The following HTR1F variants were observed in gnomAD, a reference collection of about 807,000 sequenced individuals.
The protein encoded by HTR1F is 5-hydroxytryptamine receptor 1F.
In HTR1F, 17 loss-of-function variants were observed where a neutral mutation model predicts 24.0. The observed-to-expected ratio is 0.71, with a 90% CI of 0.48 to 1.06. The LOEUF (loss-of-function observed/expected upper bound fraction) is 1.06. HTR1F is among the 50% of genes least tolerant of loss of function. The pLI, the probability that HTR1F is intolerant of heterozygous loss-of-function variation, is 0.00. For missense variants in HTR1F, 391 were observed against 427.8 expected (o/e 0.91, Z 0.76); for synonymous variants, 186 against 156.8 (o/e 1.19, Z -1.39).
intron 2 of HTR1F, among the ~76,000 whole-genome samples, chr3:87,856,195 A>T (rs1705194261): frequency 6.6e-6 from 1 of 151,984 alleles, no homozygotes; most frequent in Admixed American, 6.6e-5. Flanking sequence ...TATAAATTCA[A>T]GTTTATTATA....
Position 87,849,076 on chromosome 3 carries a change from A to G in HTR1F, c.-43+26952A>G, listed in dbSNP as rs965407957. 2.0e-5 allele frequency among the ~76,000 whole-genome samples: 3 copies of G among 151,620 alleles called. 1 individual carries two copies. ...CACTACCATCCCCATCAAGCTACCA[A>G]TGACTTTCTTCACAGAATTGGAAAA... On this transcript the variant is annotated intron_variant, in intron 2 of 2. Coordinates refer to ENST00000319595, the MANE Select transcript of HTR1F (RefSeq NM_001322209.2).
At chr3:87,932,546 A>G (rs1402977184) in intron 2 of HTR1F, among the ~76,000 whole-genome samples, 3 of 152,082 alleles carry the variant, frequency 2.0e-5, no homozygotes, top group South Asian at 2.1e-4. Flanking sequence ...TTGGTTCCAT[A>G]TGAACTTTAA....
At chr3:87,797,992 C>T (rs890507368) in intron 1 of HTR1F, among the ~76,000 whole-genome samples, 6 of 152,258 alleles carry the variant, frequency 3.9e-5, no homozygotes, top group Non-Finnish European at 7.4e-5. Context: ...CCCAGAAACT[C>T]CCAGATTTGG....
intron 2 of HTR1F, among the ~76,000 whole-genome samples, chr3:87,956,661 A>C (rs999032320): frequency 6.6e-6 from 1 of 151,288 alleles, no homozygotes; most frequent in African/African-American, 2.4e-5. Flanking sequence ...ATTTCTCTCA[A>C]CCATGTTCCA....
chr3:87,859,568 G>A (rs1575955302), intron 2 of HTR1F, among the ~76,000 whole-genome samples: 2 of 152,272 alleles, frequency 1.3e-5, no homozygotes, highest in South Asian at 2.1e-4. Flanking sequence ...GGAGCAGCCC[G>A]GCATACTGCT....
chr3:87,912,646 A>C (rs1233441183), intron 2 of HTR1F, among the ~76,000 whole-genome samples: 2 of 151,624 alleles, frequency 1.3e-5, no homozygotes, highest in Middle Eastern at 3.4e-3. Context: ...AAAAAAAAAA[A>C]AAAAAACAAA....
At chr3:87,803,135 G>T (rs6787171) in intron 1 of HTR1F, among the ~76,000 whole-genome samples, 19,183 of 152,046 alleles carry the variant, frequency 0.13, 3,772 homozygotes, top group African/African-American at 0.42. Flanking sequence ...ATTTTCTCTC[G>T]AATTCATCTG....
At chr3:87,894,004 T>C (rs1481691559) in intron 2 of HTR1F, among the ~76,000 whole-genome samples, 10 of 145,018 alleles carry the variant, frequency 6.9e-5, no homozygotes, top group Non-Finnish European at 1.5e-4. Flanking sequence ...ACAGCTTTTT[T>C]TATTTTTCTT....
At chr3:87,976,407 T>C (rs1576111291) in intron 2 of HTR1F, among the ~76,000 whole-genome samples, 1 of 152,288 alleles carries the variant, frequency 6.6e-6, no homozygotes, top group East Asian at 1.9e-4. Context: ...AAAATCTAGC[T>C]GGACACCATG....
At chr3:87,949,395 C>T (rs1704784777) in intron 2 of HTR1F, among the ~76,000 whole-genome samples, 1 of 152,186 alleles carries the variant, frequency 6.6e-6, no homozygotes, top group South Asian at 2.1e-4. Context: ...ATCACAGCTT[C>T]CTCTACTCAG....
intron 1 of HTR1F, chr3:87,793,472 T>C (rs994953727): frequency 1.4e-4 from 21 of 152,056 alleles, no homozygotes; most frequent in African/African-American, 5.1e-4. Context: ...GCTTGCCTAG[T>C]TGCCGCAGGT....
At chr3:87,836,002 C>G (rs533769431) in intron 2 of HTR1F, among the ~76,000 whole-genome samples, 1 of 152,300 alleles carries the variant, frequency 6.6e-6, no homozygotes, top group East Asian at 1.9e-4. Flanking sequence ...CAAACCAACA[C>G]TAAAACTACA....
chr3:87,801,162 C>A (rs1382004713), intron 1 of HTR1F, among the ~76,000 whole-genome samples: 2 of 152,168 alleles, frequency 1.3e-5, no homozygotes, highest in Non-Finnish European at 2.9e-5. Context: ...TGAATTAAAT[C>A]TGGAGTTATT....
chr3:87,891,442 A>C (rs1706084296), intron 2 of HTR1F, among the ~76,000 whole-genome samples: 1 of 152,168 alleles, frequency 6.6e-6, no homozygotes, highest in African/African-American at 2.4e-5. Context: ...TTCACTTACA[A>C]ATTTTAACAC....
At chr3:87,943,104 C>A (rs1704610087) in intron 2 of HTR1F, among the ~76,000 whole-genome samples, 1 of 152,132 alleles carries the variant, frequency 6.6e-6, no homozygotes, top group Non-Finnish European at 1.5e-5. Context: ...TCTGCAGCAC[C>A]AATCTCCATG....
At chr3:87,976,632 A>G (rs1422090193) in intron 2 of HTR1F, among the ~76,000 whole-genome samples, 1 of 152,226 alleles carries the variant, frequency 6.6e-6, no homozygotes, top group East Asian at 1.9e-4. Flanking sequence ...ACATATTTTT[A>G]TTCATGTTTA....
chr3:87,966,622 G>C (rs1309978978), intron 2 of HTR1F, among the ~76,000 whole-genome samples: 1 of 152,022 alleles, frequency 6.6e-6, no homozygotes, highest in East Asian at 1.9e-4. Context: ...CTCAATTCAA[G>C]TGATTTTTTT....
At chr3:87,945,592 C>G (rs1440118826) in intron 2 of HTR1F, among the ~76,000 whole-genome samples, 2 of 152,094 alleles carry the variant, frequency 1.3e-5, no homozygotes, top group Admixed American at 6.5e-5. Context: ...TCTAGTTGGC[C>G]ATCGGCTTCC....
intron 2 of HTR1F, among the ~76,000 whole-genome samples, chr3:87,963,508 CAAT>C (rs1401879752): frequency 7.9e-5 from 12 of 152,226 alleles, no homozygotes; most frequent in Middle Eastern, 3.4e-3. Context: ...AGGAATAAAA[CAAT>C]GAGCCATTTG....
Sources: allele counts gnomAD v4.1 joint callset (sites outside exome capture counted in the v4.1 genomes callset), GRCh38; gene constraint gnomAD v4.1.1; transcripts MANE v1.5; gene names NCBI Gene and HGNC (gene_info 2026-07-23, HGNC 2026-07-21).